FRMD5: variants seen among roughly 807,000 people sequenced by gnomAD.
FRMD5 encodes FERM domain-containing protein 5.
A neutral mutation model predicts 69.0 loss-of-function variants in FRMD5; 20 were observed. That is an observed-to-expected ratio of 0.29 (90% confidence interval 0.20 to 0.42). The LOEUF is 0.42. Ranked by LOEUF, FRMD5 falls within the 10% of genes least tolerant of loss-of-function variation. The pLI, the probability that FRMD5 is intolerant of heterozygous loss-of-function variation, is 1.00. For synonymous variants in FRMD5, 271 were observed against 260.1 expected, an observed-to-expected ratio of 1.04 and a Z score of -0.40; for missense variants, 595 against 708.6, an observed-to-expected ratio of 0.84 and a Z score of 1.82.
At chr15:43,874,553 T>C in intron 13 of FRMD5, 91 bp from the exon 14 acceptor site, 1 of 893,778 alleles carries the variant, frequency 1.1e-6, no homozygotes, top group Non-Finnish European at 1.8e-6. Flanking sequence ...GGTACCATTC[T>C]GCACACCCAC....
intron 1 of FRMD5, among the ~76,000 whole-genome samples, chr15:44,142,224 C>A (rs2077284819): frequency 6.6e-6 from 1 of 152,164 alleles, no homozygotes; most frequent in Non-Finnish European, 1.5e-5. Context: ...AGCAATCAGT[C>A]CATATTTTTC....
At chr15:44,099,407 T>C (rs1001656455) in intron 1 of FRMD5, among the ~76,000 whole-genome samples, 12 of 152,118 alleles carry the variant, frequency 7.9e-5, no homozygotes, top group African/African-American at 2.4e-4. Flanking sequence ...TAAGACAATC[T>C]ACCATGACCT....
intron 1 of FRMD5, among the ~76,000 whole-genome samples, chr15:44,055,025 G>C (rs1473366873): frequency 6.9e-6 from 1 of 144,986 alleles, no homozygotes; most frequent in Non-Finnish European, 1.5e-5. Context: ...AGCTGAGATC[G>C]CACCATTGTA....
At chr15:44,164,363 T>C (rs1007371240) in intron 1 of FRMD5, among the ~76,000 whole-genome samples, 1 of 152,032 alleles carries the variant, frequency 6.6e-6, no homozygotes, top group African/African-American at 2.4e-5. Context: ...CTACTTACCA[T>C]GTTCACATAT....
At chr15:44,047,078 G>A (rs142455504) in intron 1 of FRMD5, among the ~76,000 whole-genome samples, 13 of 152,158 alleles carry the variant, frequency 8.5e-5, no homozygotes, top group African/African-American at 1.9e-4. Flanking sequence ...AGGCTGAGGC[G>A]GGCGGATCAC....
intron 1 of FRMD5, among the ~76,000 whole-genome samples, chr15:44,128,273 A>G (rs2077050900): frequency 6.6e-6 from 1 of 152,166 alleles, no homozygotes; most frequent in African/African-American, 2.4e-5. Flanking sequence ...TGAGGTCAGG[A>G]GTTCAAGACC....
intron 1 of FRMD5, among the ~76,000 whole-genome samples, chr15:44,135,619 G>C (rs2140431094): frequency 6.6e-6 from 1 of 152,190 alleles, no homozygotes; most frequent in Admixed American, 6.5e-5. Flanking sequence ...ACAAGGTCAG[G>C]AGTTCAAGAC....
intron 1 of FRMD5, among the ~76,000 whole-genome samples, chr15:44,178,543 T>C (rs1387412786): frequency 1.3e-5 from 2 of 152,136 alleles, no homozygotes; most frequent in Non-Finnish European, 2.9e-5. Flanking sequence ...CGAAAACATA[T>C]GGACCATGGC....
intron 1 of FRMD5, among the ~76,000 whole-genome samples, chr15:44,078,965 T>C (rs1379663134): frequency 6.6e-6 from 1 of 151,974 alleles, no homozygotes; most frequent in African/African-American, 2.4e-5. Flanking sequence ...AAGGACATAA[T>C]CAACAGAGTA....
At chr15:43,926,653 A>G (rs2089591156) in intron 1 of FRMD5, among the ~76,000 whole-genome samples, 1 of 152,058 alleles carries the variant, frequency 6.6e-6, no homozygotes, top group Non-Finnish European at 1.5e-5. Context: ...AGCTGGAAGA[A>G]TAGGTGAGTA....
intron 1 of FRMD5, among the ~76,000 whole-genome samples, chr15:44,025,500 G>A (rs1443732779): frequency 6.6e-6 from 1 of 152,148 alleles, no homozygotes; most frequent in Non-Finnish European, 1.5e-5. Flanking sequence ...CATCTATGCA[G>A]TCTGCCAAAG....
At chr15:44,141,029 TA>T (rs970112493) in intron 1 of FRMD5, among the ~76,000 whole-genome samples, 5 of 151,666 alleles carry the variant, frequency 3.3e-5, no homozygotes, top group African/African-American at 1.2e-4. Flanking sequence ...TGTAATTTTT[TA>T]AAAAAAACCA....
chr15:43,889,141 C>T (rs2088736479), intron 8 of FRMD5, among the ~76,000 whole-genome samples: 2 of 152,170 alleles, frequency 1.3e-5, no homozygotes, highest in Admixed American at 6.5e-5. Flanking sequence ...AAAAGGGAAA[C>T]ATTTGCATGG....
chr15:44,040,138 A>C (rs2140311320), intron 1 of FRMD5, among the ~76,000 whole-genome samples: 1 of 152,180 alleles, frequency 6.6e-6, no homozygotes, highest in East Asian at 1.9e-4. Context: ...AAGAGTGAAA[A>C]GAAAGCCCCC....
chr15:43,988,505 C>G (rs545239726), intron 1 of FRMD5, among the ~76,000 whole-genome samples: 1 of 151,974 alleles, frequency 6.6e-6, no homozygotes, highest in African/African-American at 2.4e-5. Flanking sequence ...TTCAACTGGT[C>G]TCAAGTCAGT....
In FRMD5 at chr15:43,873,265, C is replaced by G. The variant is rs770469827; in HGVS notation, c.*620G>C. 1 of 1,545,592 alleles carries G rather than the reference C, an allele frequency of 6.5e-7. No individual in the cohort carries two copies. Among genetic ancestry groups the G allele is most frequent in the Non-Finnish European group, 8.7e-7 (1 of 1,145,746 alleles). On this transcript the variant is annotated 3_prime_UTR_variant, in exon 14 of 14. Coordinates refer to ENST00000417257, the MANE Select transcript of FRMD5 (RefSeq NM_032892.5). ...AACAAAAGGAAAAGAAAATCCAACTCAGACCATCATAAGAAGCAACTTTCC... is the reference window on the plus strand; with the variant it reads ...AACAAAAGGAAAAGAAAATCCAACTGAGACCATCATAAGAAGCAACTTTCC...
At chr15:44,195,588 T>A (rs1444079488), upstream of FRMD5, among the ~76,000 whole-genome samples, 1 of 152,216 alleles carries the variant, frequency 6.6e-6, no homozygotes, top group African/African-American at 2.4e-5. Flanking sequence ...ACACTTGATC[T>A]GCGTTTCCGA....
At chr15:43,926,278 T>C (rs1485415083) in intron 1 of FRMD5, among the ~76,000 whole-genome samples, 2 of 152,218 alleles carry the variant, frequency 1.3e-5, no homozygotes, top group Non-Finnish European at 2.9e-5. Flanking sequence ...CATCCATCGC[T>C]GGCCTGTCCC....
chr15:44,167,455 G>C (rs2077729151), intron 1 of FRMD5, among the ~76,000 whole-genome samples: 1 of 152,108 alleles, frequency 6.6e-6, no homozygotes, highest in Admixed American at 6.6e-5. Context: ...CTCTGCCCTA[G>C]ACACCTGGAT....
Sources: gnomAD v4.1 joint callset for allele counts (sites outside exome capture counted in the v4.1 genomes callset) on GRCh38, gnomAD v4.1.1 for gene constraint, MANE v1.5 for transcripts, NCBI Gene and HGNC (gene_info 2026-07-23, HGNC 2026-07-21) for gene names.